BIRC6: variants seen among roughly 807,000 people sequenced by gnomAD.
BIRC6 encodes the protein baculoviral IAP repeat containing 6.
Under a neutral mutation model 503.3 loss-of-function variants are expected in BIRC6, and 98 were observed. The ratio of observed to expected loss-of-function variants is 0.19; its 90% confidence interval spans 0.17 to 0.23. The LOEUF (loss-of-function observed/expected upper bound fraction) is 0.23, where lower values mean the gene tolerates loss of function less well. Ranked by LOEUF, BIRC6 falls within the 10% of genes least tolerant of loss-of-function variation. The probability of loss-of-function intolerance (pLI) is 1.00; values close to 1 mark genes in which losing one functional copy is unlikely to be tolerated. For missense variants in BIRC6, 5,360 were observed against 5,806.0 expected (o/e 0.92, Z 2.50); for synonymous variants, 2,240 against 2,078.7 (o/e 1.08, Z -2.11).
intron 1 of BIRC6, among the ~76,000 whole-genome samples, chr2:32,375,530 G>A (rs1039652344): frequency 1.6e-4 from 25 of 151,712 alleles, no homozygotes; most frequent in African/African-American, 5.1e-4. Context: ...CTTGTGATCC[G>A]CCCACCTCGG....
intron 37 of BIRC6, 85 bp from the exon 38 acceptor site, chr2:32,481,235 A>G (rs2050368789): frequency 3.2e-6 from 4 of 1,260,978 alleles, no homozygotes; most frequent in Non-Finnish European, 4.2e-6. Context: ...TGCAAGTAAA[A>G]TAACTTTTTT....
chr2:32,443,846 A>G (rs1299135270), intron 20 of BIRC6, among the ~76,000 whole-genome samples: 1 of 152,226 alleles, frequency 6.6e-6, no homozygotes, highest in Non-Finnish European at 1.5e-5. Context: ...GTACTTCATT[A>G]CAATCATTGA....
In BIRC6 at chr2:32,505,087, T is replaced by G; in HGVS notation, c.9582T>G (p.Ser3194=). ...CACCTCCTCACAGAAGAGCTCGCTC[T>G]GCTGCTTGGTCCTACATCTTTCTTC... ...QATPPHRRAR[S]AAWSYIFLPE... Residue 3194 remains serine, a synonymous_variant, in exon 50 of 74, where the codon TCT becomes TCG. Transcript: ENST00000421745. 1 of 1,612,870 alleles carries G rather than the reference T, an allele frequency of 6.2e-7. No individual in the cohort carries two copies. The highest frequency in any genetic ancestry group is 8.5e-7 in the Non-Finnish European group (1 of 1,179,390).
chr2:32,580,547 G>T (rs1215531421), intron 66 of BIRC6, among the ~76,000 whole-genome samples: 1 of 152,154 alleles, frequency 6.6e-6, no homozygotes, highest in African/African-American at 2.4e-5. Flanking sequence ...GGGGCTAGAA[G>T]ATAAACAGGA....
intron 66 of BIRC6, among the ~76,000 whole-genome samples, chr2:32,584,756 G>T (rs2060915339): frequency 6.6e-6 from 1 of 152,002 alleles, no homozygotes; most frequent in Non-Finnish European, 1.5e-5. Flanking sequence ...TGTTTAAGAG[G>T]CTTATTTCCT....
At chr2:32,447,525 G>GA (rs2046172947) in intron 21 of BIRC6, among the ~76,000 whole-genome samples, 1 of 129,392 alleles carries the variant, frequency 7.7e-6, no homozygotes, top group Non-Finnish European at 1.7e-5. Context: ...GCCGGGCAGA[G>GA]GGGTCCTCAC....
chr2:32,575,851 C>T (rs1221416575), intron 66 of BIRC6, among the ~76,000 whole-genome samples: 1 of 152,088 alleles, frequency 6.6e-6, no homozygotes, highest in Non-Finnish European at 1.5e-5. Flanking sequence ...CCAAATTATA[C>T]ACTTAGAAAC....
chr2:32,585,261 T>C (rs1449402799), intron 66 of BIRC6, among the ~76,000 whole-genome samples: 1 of 152,166 alleles, frequency 6.6e-6, no homozygotes, highest in Non-Finnish European at 1.5e-5. Context: ...ACTCAAAATT[T>C]GGTGAAAATC....
At chr2:32,600,179 A>G (rs1464961665) in intron 70 of BIRC6, among the ~76,000 whole-genome samples, 1 of 152,246 alleles carries the variant, frequency 6.6e-6, no homozygotes, top group Non-Finnish European at 1.5e-5. Flanking sequence ...TTTAAGGTGT[A>G]CCTTATATTC....
intron 66 of BIRC6, among the ~76,000 whole-genome samples, chr2:32,592,837 C>T (rs1385598615): frequency 1.3e-5 from 2 of 152,080 alleles, no homozygotes; most frequent in Non-Finnish European, 2.9e-5. Context: ...TCAGGTGTTC[C>T]ACCCGCCTCA....
rs2051156695 is a variant in BIRC6, at chr2:32,487,675, T to A, written c.7842T>A (p.Asp2614Glu). The change falls in exon 41 of 74, where the codon GAT becomes GAA. Residue 2614 changes from aspartate to glutamate, a missense_variant. Physicochemically the swap from Asp to Glu is conservative, Grantham distance 45. Around this residue, in one of 16 missense-constraint regions of BIRC6, gnomAD observed 2,299 missense variants for 2,267.2 expected, o/e 1.01. Coordinates refer to ENST00000421745, the MANE Select transcript of BIRC6 (RefSeq NM_016252.4). The stretch of plus-strand genomic sequence containing the variant: ...CACAGTCTCCCACTGGAACAGATGA[T>A]TCACTTCTAGGGGGTTTACAAGCAG... ...TLSQSPTGTD[D>E]SLLGGLQAAN... 1 of 1,613,506 alleles carries A rather than the reference T, an allele frequency of 6.2e-7. No individual in the cohort carries two copies. Among genetic ancestry groups the A allele is most frequent in the Non-Finnish European group, 8.5e-7 (1 of 1,179,682 alleles).
At chr2:32,581,967 A>G (rs533102944) in intron 66 of BIRC6, among the ~76,000 whole-genome samples, 131 of 152,182 alleles carry the variant, frequency 8.6e-4, no homozygotes, top group African/African-American at 2.1e-3. Flanking sequence ...GGTTCAAGCA[A>G]TTCTCCTCAG....
chr2:32,473,293 T>A, intron 33 of BIRC6, 54 bp downstream of exon 33: 1 of 1,416,756 alleles, frequency 7.1e-7, no homozygotes, highest in South Asian at 1.4e-5. Flanking sequence ...TGTTTTGGAG[T>A]TTGCATGAGA....
chr2:32,468,871 T>A, intron 29 of BIRC6, 88 bp downstream of exon 29: 1 of 1,050,860 alleles, frequency 9.5e-7, no homozygotes, highest in Non-Finnish European at 1.3e-6. Flanking sequence ...CAATATTTTC[T>A]ATTGTAAATT....
At position 32,401,079 on chromosome 2, in the gene BIRC6, A is replaced by G. The variant is rs192045406; in HGVS notation, c.1035-84A>G. ...ATACTTTAAGTTCAGTTAAAAAAAGATGATGATCCTGGAGTTCTGTTTTAA... is the reference window on the plus strand; with the variant it reads ...ATACTTTAAGTTCAGTTAAAAAAAGGTGATGATCCTGGAGTTCTGTTTTAA... On this transcript the variant is annotated intron_variant, in intron 6 of 73. Coordinates refer to ENST00000421745, the MANE Select transcript of BIRC6 (RefSeq NM_016252.4). 4.3e-4 allele frequency: 497 copies of G among 1,164,984 alleles called. 4 individuals are homozygous for G. The Admixed American group carries it at 0.01, about 24-fold the overall frequency. 72.2% of individuals were successfully genotyped at this position (1,164,984 alleles called of 1,614,324 possible). A position where few individuals can be genotyped will look rare whatever the true frequency, so the allele number is the denominator to read the frequency against.
At chr2:32,578,584 C>G (rs189931753) in intron 66 of BIRC6, among the ~76,000 whole-genome samples, 1 of 151,982 alleles carries the variant, frequency 6.6e-6, no homozygotes, top group Admixed American at 6.6e-5. Context: ...TCACTTGAGG[C>G]CAGGAGTTCT....
chr2:32,446,759 T>G (rs1234026194), intron 21 of BIRC6, among the ~76,000 whole-genome samples: 6 of 138,728 alleles, frequency 4.3e-5, no homozygotes, highest in African/African-American at 1.6e-4. Flanking sequence ...TTTTTTTTTT[T>G]TTTTTTTTTT....
At chr2:32,451,308 T>C (rs1184317725) in intron 22 of BIRC6, among the ~76,000 whole-genome samples, 1 of 152,170 alleles carries the variant, frequency 6.6e-6, no homozygotes, top group Non-Finnish European at 1.5e-5. Context: ...GTTTAGTCTT[T>C]TTTGGCCCTG....
Position 32,517,650 on chromosome 2 carries a change from C to T in BIRC6, c.11350-604C>T, listed in dbSNP as rs575909023. On this transcript the variant is annotated intron_variant, in intron 55 of 73. Coordinates refer to ENST00000421745, the MANE Select transcript of BIRC6 (RefSeq NM_016252.4). The stretch of plus-strand genomic sequence containing the variant: ...TAGTGCAGTTGCACAATCAGTGAGC[C>T]GTGGCTCACTGAAACTTTCGGGCTC... 1.4e-4 allele frequency among the ~76,000 whole-genome samples: 22 copies of T among 152,182 alleles called. No individual in the cohort carries two copies. In the East Asian group the frequency reaches 4.3e-3, roughly 29 times the overall value.
Sources: gnomAD v4.1 joint callset for allele counts (sites outside exome capture counted in the v4.1 genomes callset) on GRCh38, gnomAD v4.1.1 for gene constraint, gnomAD v4.1.1 regional missense constraint, MANE v1.5 for transcripts, NCBI Gene and HGNC (gene_info 2026-07-23, HGNC 2026-07-21) for gene names.